Variants in SENP7 observed in about 807,000 individuals in gnomAD.
SENP7 encodes the protein sentrin-specific protease 7.
A neutral mutation model predicts 141.2 loss-of-function variants in SENP7; 64 were observed. That is an observed-to-expected ratio of 0.45 (90% CI 0.37 to 0.56). The LOEUF (loss-of-function observed/expected upper bound fraction) is 0.56. Ranked by LOEUF, SENP7 falls within the 20% of genes least tolerant of loss-of-function variation. The pLI is 0.00. For synonymous variants in SENP7, 382 were observed against 426.4 expected, an observed-to-expected ratio of 0.90 and a Z score of 1.28; for missense variants, 1,025 against 1,212.2, an observed-to-expected ratio of 0.85 and a Z score of 2.29.
At chr3:101,439,780 T>C (rs1216196237) in intron 4 of SENP7, among the ~76,000 whole-genome samples, 5 of 12,612 alleles carry the variant, frequency 4.0e-4, no homozygotes, top group African/African-American at 7.1e-4. Flanking sequence ...GGTGGGGGGG[T>C]CAGCCCTCCG....
At chr3:101,354,539 A>AGCT (rs1309330837) in intron 11 of SENP7, among the ~76,000 whole-genome samples, 3 of 152,154 alleles carry the variant, frequency 2.0e-5, no homozygotes, top group African/African-American at 7.2e-5. Context: ...TAGTTTGCTA[A>AGCT]GGATAATAGC....
At chr3:101,351,784 C>A in intron 11 of SENP7, 133 bp from the exon 12 acceptor site, 3 of 658,896 alleles carry the variant, frequency 4.6e-6, no homozygotes, top group Non-Finnish European at 6.5e-6. Context: ...ATCAATAAAC[C>A]AATAAAATAT....
rs534997745 is a variant in SENP7, at chr3:101,369,422, T to C, written c.797-1411A>G. ...AACTAATATTCATGATAATTTGTCTTTGACATTACTTAAAGGAAGGCACTG... is the reference window on the plus strand; with the variant it reads ...AACTAATATTCATGATAATTTGTCTCTGACATTACTTAAAGGAAGGCACTG... On this transcript the variant is annotated intron_variant, in intron 7 of 23. Transcript: ENST00000394095. Among the ~76,000 whole-genome samples, 5 of 152,314 alleles carry C rather than the reference T, an allele frequency of 3.3e-5. No individual in the cohort carries two copies. The South Asian group carries it at 8.3e-4, about 25-fold the overall frequency.
intron 6 of SENP7, among the ~76,000 whole-genome samples, chr3:101,397,902 C>A (rs1006009679): frequency 2.6e-5 from 4 of 152,212 alleles, no homozygotes; most frequent in Middle Eastern, 3.2e-3. Context: ...AATGTACTAA[C>A]TGACCATCCC....
chr3:101,393,371 C>T (rs1362107542), intron 6 of SENP7, among the ~76,000 whole-genome samples: 1 of 152,084 alleles, frequency 6.6e-6, no homozygotes, highest in Non-Finnish European at 1.5e-5. Flanking sequence ...TTTTGTACAA[C>T]CAATGAAATC....
rs1027295492 is a variant in SENP7 at position 101,375,306 on chromosome 3, G to C, written c.678-3180C>G. Among the ~76,000 whole-genome samples the C allele has an allele frequency of 2.6e-5, 4 of 151,944 alleles. No homozygotes were observed. In the East Asian group the frequency reaches 7.7e-4, roughly 29 times the overall value. On this transcript the variant is annotated intron_variant, in intron 6 of 23. Coordinates refer to ENST00000394095, the MANE Select transcript of SENP7 (RefSeq NM_020654.5). ...GCCTGTAATCCCAGCACTTTGGGAG[G>C]CTGAGGCGGGCGGATCACCTGAGGT...
At position 101,448,808 on chromosome 3, in the gene SENP7, A is replaced by C. The variant is rs185263538; in HGVS notation, c.284+10147T>G. Among the ~76,000 whole-genome samples the C allele has an allele frequency of 3.5e-3, 531 of 152,314 alleles. 1 individual carries two copies. The highest frequency in any genetic ancestry group is 0.012 in the African/African-American group (494 of 41,560). ...GAGCAGAAAAACTGGAAACTCTAAA[A>C]ATCAGAGCACCTCTCCTCCTCCAAA... On this transcript the variant is annotated intron_variant, in intron 4 of 23. Transcript: ENST00000394095.
intron 3 of SENP7, among the ~76,000 whole-genome samples, chr3:101,481,329 T>C (rs562593766): frequency 2.6e-5 from 4 of 152,266 alleles, no homozygotes; most frequent in African/African-American, 4.8e-5. Flanking sequence ...AATTCTGTCA[T>C]GTACAGAAAC....
Position 101,407,500 on chromosome 3 carries a change from C to G in SENP7, c.483-8445G>C, listed in dbSNP as rs896185135. 2.1e-4 allele frequency among the ~76,000 whole-genome samples: 32 copies of G among 152,136 alleles called. 1 individual carries two copies. Among genetic ancestry groups the G allele is most frequent in the Admixed American group, 2.1e-3 (32 of 15,286 alleles). ...AGAATATATGTTCTATTCAACAGCACATGGACCTTTCTCCAAGACAGACCA... is the reference window on the plus strand; with the variant it reads ...AGAATATATGTTCTATTCAACAGCAGATGGACCTTTCTCCAAGACAGACCA... On this transcript the variant is annotated intron_variant, in intron 5 of 23. Transcript: ENST00000394095.
In SENP7 at chr3:101,497,647, CTA is replaced by C. The variant is rs1000334081; in HGVS notation, c.90+3421_90+3422del. On this transcript the variant is annotated intron_variant, in intron 2 of 23. Transcript: ENST00000394095. ...TAACTCATAGAATAAACTAAATATT[CTA>C]TGAGTCCATATTGATACAAATAAAT... Among the ~76,000 whole-genome samples the C allele has an allele frequency of 2.6e-4, 39 of 152,098 alleles. 1 individual carries two copies. Among genetic ancestry groups the C allele is most frequent in the Non-Finnish European group, 2.9e-5 (2 of 68,014 alleles).
chr3:101,419,603 A>G lies in SENP7; in HGVS notation c.285-1813T>C, dbSNP rs1420144592. On this transcript the variant is annotated intron_variant, in intron 4 of 23. Coordinates refer to ENST00000394095, the MANE Select transcript of SENP7 (RefSeq NM_020654.5). ...AGAAATATGGTTGTGAAAGTGGAAAATAAGACAAGACCTGAAAATAGACAT... is the reference window on the plus strand; with the variant it reads ...AGAAATATGGTTGTGAAAGTGGAAAGTAAGACAAGACCTGAAAATAGACAT... Among the ~76,000 whole-genome samples the G allele has an allele frequency of 3.3e-5, 5 of 152,326 alleles. No homozygotes were observed. The East Asian group carries it at 9.6e-4, about 29-fold the overall frequency.
intron 6 of SENP7, among the ~76,000 whole-genome samples, chr3:101,372,928 T>C (rs1035800299): frequency 4.6e-5 from 7 of 152,022 alleles, no homozygotes; most frequent in African/African-American, 2.4e-5. Context: ...TCTATACTTA[T>C]GTACATATTT....
intron 6 of SENP7, among the ~76,000 whole-genome samples, chr3:101,383,667 C>T (rs1559749375): frequency 1.3e-5 from 2 of 152,232 alleles, no homozygotes; most frequent in African/African-American, 2.4e-5. Flanking sequence ...TGCTCGGGTA[C>T]ACGCCAGCCC....
intron 3 of SENP7, among the ~76,000 whole-genome samples, chr3:101,474,956 G>A (rs1475588384): frequency 3.9e-5 from 6 of 152,182 alleles, no homozygotes; most frequent in Admixed American, 6.5e-5. Context: ...AGACCCAACA[G>A]AATGCTGCCT....
rs5851270 is a variant in SENP7, at chr3:101,380,638, T to TA, written c.678-8513dup. Among the ~76,000 whole-genome samples the TA allele has an allele frequency of 8.9e-3, 1,206 of 135,606 alleles. 18 individuals are homozygous for TA. The highest frequency in any genetic ancestry group is 0.029 in the African/African-American group (1,065 of 36,284). 89.0% of individuals were successfully genotyped at this position (135,606 alleles called of 152,430 possible). On this transcript the variant is annotated intron_variant, in intron 6 of 23. Transcript: ENST00000394095. Reference sequence around the variant, plus strand: ...TGGGCAACATAGCAAGACCTATCTCTAAAAAAAAAAAAAATACAAGAAAGG... The same window carrying TA: ...TGGGCAACATAGCAAGACCTATCTCTAAAAAAAAAAAAAAATACAAGAAAGG...
intron 2 of SENP7, among the ~76,000 whole-genome samples, chr3:101,500,739 T>C (rs1245208015): frequency 2.0e-5 from 3 of 152,228 alleles, no homozygotes; most frequent in Admixed American, 2.0e-4. Flanking sequence ...CTACTCTGCA[T>C]CTATAGCATT....
intron 1 of SENP7, among the ~76,000 whole-genome samples, chr3:101,508,557 C>T (rs1344503998): frequency 6.6e-6 from 1 of 151,804 alleles, no homozygotes; most frequent in East Asian, 1.9e-4. Flanking sequence ...CGAGATCGTG[C>T]CACTGCACTC....
intron 4 of SENP7, among the ~76,000 whole-genome samples, chr3:101,428,204 A>G (rs527609920): frequency 7.9e-5 from 12 of 152,340 alleles, no homozygotes; most frequent in African/African-American, 2.4e-4. Context: ...TCCTTTGGGT[A>G]TATACCCAGT....
At chr3:101,453,016 T>C (rs12638579) in intron 4 of SENP7, among the ~76,000 whole-genome samples, 151,518 of 152,212 alleles carry the variant, frequency 1, 75,419 homozygotes, top group Middle Eastern at 1. Context: ...AACAAATTTA[T>C]AAGAAAAAAA....
Sources: gnomAD v4.1 joint callset for allele counts (sites outside exome capture counted in the v4.1 genomes callset) on GRCh38, gnomAD v4.1.1 for gene constraint, MANE v1.5 for transcripts, NCBI Gene and HGNC (gene_info 2026-07-23, HGNC 2026-07-21) for gene names.